The following ABCB1 variants were observed in gnomAD, a reference collection of about 807,000 sequenced individuals.
The protein encoded by ABCB1 is ATP binding cassette subfamily B member 1.
A neutral mutation model predicts 142.0 loss-of-function variants in ABCB1; 69 were observed. The ratio of observed to expected loss-of-function variants is 0.49; its 90% CI spans 0.40 to 0.59. The LOEUF (loss-of-function observed/expected upper bound fraction) is 0.59, where lower values mean the gene tolerates loss of function less well. Ranked by LOEUF, ABCB1 falls within the 20% of genes least tolerant of loss-of-function variation. The probability of loss-of-function intolerance (pLI) is 0.00; values close to 1 mark genes in which losing one functional copy is unlikely to be tolerated. For missense variants in ABCB1, 1,326 were observed against 1,554.7 expected (o/e 0.85, Z 2.47); for synonymous variants, 532 against 539.2 (o/e 0.99, Z 0.18).
intron 1 of ABCB1, among the ~76,000 whole-genome samples, chr7:87,626,572 C>G (rs1447311962): frequency 7.4e-5 from 1 of 13,578 alleles, no homozygotes; most frequent in Admixed American, 1.2e-3. Flanking sequence ...ATATATGTGT[C>G]ATATATATGT....
intron 1 of ABCB1, among the ~76,000 whole-genome samples, chr7:87,668,050 A>G (rs971286723): frequency 2.0e-5 from 3 of 151,746 alleles, no homozygotes; most frequent in Admixed American, 1.3e-4. Flanking sequence ...GAATTATTTC[A>G]GTAGAAATGG....
At chr7:87,530,636 G>T (rs752425842) in intron 21 of ABCB1, among the ~76,000 whole-genome samples, 1 of 151,394 alleles carries the variant, frequency 6.6e-6, no homozygotes, top group Non-Finnish European at 1.5e-5. Context: ...GAAGGGAGGA[G>T]CATGATAAAA....
At chr7:87,505,148 G>C (rs964570569) in intron 27 of ABCB1, among the ~76,000 whole-genome samples, 1 of 151,972 alleles carries the variant, frequency 6.6e-6, no homozygotes, top group African/African-American at 2.4e-5. Context: ...ATTTTTTGTA[G>C]AGACAATGTC....
chr7:87,666,364 A>C (rs989255483), intron 1 of ABCB1, among the ~76,000 whole-genome samples: 1 of 152,118 alleles, frequency 6.6e-6, no homozygotes, highest in African/African-American at 2.4e-5. Flanking sequence ...AATTTGCTTA[A>C]GTTCCTTATA....
At chr7:87,663,446 T>C in intron 1 of ABCB1, among the ~76,000 whole-genome samples, 1 of 152,146 alleles carries the variant, frequency 6.6e-6, no homozygotes, top group East Asian at 1.9e-4. Context: ...TTGGCTTTTC[T>C]TCTACCGCTA....
At chr7:87,692,145 T>TA (rs1006747825) in intron 1 of ABCB1, among the ~76,000 whole-genome samples, 7 of 152,192 alleles carry the variant, frequency 4.6e-5, no homozygotes, top group Admixed American at 2.6e-4. Flanking sequence ...AACAGCTTTT[T>TA]AAAAAAATAA....
intron 3 of ABCB1, among the ~76,000 whole-genome samples, chr7:87,586,493 G>T (rs767323608): frequency 1.3e-5 from 2 of 152,172 alleles, no homozygotes; most frequent in Non-Finnish European, 2.9e-5. Context: ...ATGGGGTAAA[G>T]CCAGCTGTGG....
chr7:87,546,329 C>T (rs1421123975), intron 14 of ABCB1, among the ~76,000 whole-genome samples: 1 of 152,118 alleles, frequency 6.6e-6, no homozygotes, highest in Non-Finnish European at 1.5e-5. Context: ...TGGCTCACGC[C>T]TGTAATCCCA....
intron 4 of ABCB1, among the ~76,000 whole-genome samples, chr7:87,580,120 G>C (rs1459959183): frequency 6.6e-6 from 1 of 152,012 alleles, no homozygotes; most frequent in Non-Finnish European, 1.5e-5. Context: ...GTGTTTTTCT[G>C]AGTACTTATT....
chr7:87,674,514 G>T (rs2130543535), intron 1 of ABCB1, among the ~76,000 whole-genome samples: 1 of 152,302 alleles, frequency 6.6e-6, no homozygotes, highest in Middle Eastern at 3.4e-3. Flanking sequence ...ACCAGCATGG[G>T]ATGGGAGAGG....
chr7:87,619,704 C>T (rs1820155716), intron 1 of ABCB1, among the ~76,000 whole-genome samples: 2 of 151,852 alleles, frequency 1.3e-5, no homozygotes, highest in African/African-American at 4.8e-5. Flanking sequence ...AGAAATCGTA[C>T]TGACTGTAAA....
At chr7:87,524,665 A>G (rs1195264060) in intron 21 of ABCB1, among the ~76,000 whole-genome samples, 1 of 152,064 alleles carries the variant, frequency 6.6e-6, no homozygotes, top group Non-Finnish European at 1.5e-5. Flanking sequence ...CAGCACACCA[A>G]CATGGCACAT....
chr7:87,567,696 T>G (rs1817836223), intron 5 of ABCB1, among the ~76,000 whole-genome samples: 1 of 152,164 alleles, frequency 6.6e-6, no homozygotes, highest in Non-Finnish European at 1.5e-5. Flanking sequence ...CCCTTCCAAT[T>G]TAAATTCTAG....
In ABCB1 at chr7:87,550,151, G is replaced by T. The variant is rs1377310763; in HGVS notation, c.1350+20C>A. On this transcript the variant is annotated intron_variant, in intron 12 of 27. Coordinates refer to ENST00000622132, the MANE Select transcript of ABCB1 (RefSeq NM_001348946.2). ...TGACTGCTGATCACCGCAGGGTCTA[G>T]CTCGCATGGGTCATCTCACCATCCC... The T allele has an allele frequency of 6.2e-7, 1 of 1,614,052 alleles. No individual in the cohort carries two copies. Among genetic ancestry groups the T allele is most frequent in the Admixed American group, 1.7e-5 (1 of 60,014 alleles).
intron 1 of ABCB1, among the ~76,000 whole-genome samples, chr7:87,640,035 T>A (rs1465602827): frequency 6.6e-6 from 1 of 150,980 alleles, no homozygotes; most frequent in Non-Finnish European, 1.5e-5. Context: ...GAGTCATATA[T>A]TCCATTTCTT....
intron 23 of ABCB1, 78 bp from the exon 24 acceptor site, chr7:87,516,743 T>A: frequency 6.7e-7 from 1 of 1,494,128 alleles, no homozygotes; most frequent in Non-Finnish European, 9.0e-7. Flanking sequence ...TTTTTTTTTT[T>A]TTTTTTTTTT....
At chr7:87,709,719 A>G (rs1437691620) in intron 1 of ABCB1, among the ~76,000 whole-genome samples, 2 of 152,092 alleles carry the variant, frequency 1.3e-5, no homozygotes, top group Admixed American at 6.6e-5. Context: ...ATATATATTG[A>G]TTAGTGTCAC....
chr7:87,515,291 A>G lies in ABCB1; in HGVS notation c.3222T>C (p.Cys1074=). 1.9e-6 allele frequency: 3 copies of G among 1,613,866 alleles called. No homozygotes were observed. The South Asian group carries it at 3.3e-5, about 18-fold the overall frequency. Residue 1074 remains cysteine (C), a synonymous_variant, in exon 25 of 28, where the codon TGT becomes TGC. Transcript: ENST00000622132. ...GGAGCTGGACCACTGTGCTCTTCCC[A>G]CAGCCACTGCTGCCCACCAGAGCCA... ...QTLALVGSSG[C]GKSTVVQLLE...
intron 1 of ABCB1, among the ~76,000 whole-genome samples, chr7:87,645,542 T>G (rs192771953): frequency 3.9e-5 from 6 of 152,336 alleles, no homozygotes; most frequent in Admixed American, 2.0e-4. Context: ...ATGTAAAAGC[T>G]GTTACTTAGA....
Sources: allele counts gnomAD v4.1 joint callset (sites outside exome capture counted in the v4.1 genomes callset), GRCh38; gene constraint gnomAD v4.1.1; transcripts MANE v1.5; gene names NCBI Gene and HGNC (gene_info 2026-07-23, HGNC 2026-07-21).